The following ADGRG4 variants were observed in gnomAD, a reference collection of about 807,000 sequenced individuals.
ADGRG4 encodes the protein adhesion G protein-coupled receptor G4.
Under a neutral mutation model 126.2 loss-of-function variants are expected in ADGRG4, and 122 were observed. That is an observed-to-expected ratio of 0.97 (90% CI 0.83 to 1.12). The LOEUF (loss-of-function observed/expected upper bound fraction) is 1.12, where lower values mean the gene tolerates loss of function less well. Among genes scored for constraint, ADGRG4 ranks in the 50% most tolerant of loss-of-function variants. The pLI is 0.00. For missense variants in ADGRG4, 2,481 were observed against 2,251.8 expected (o/e 1.10, Z -2.06); for synonymous variants, 943 against 838.7 (o/e 1.12, Z -2.15).
At chrX:136,364,268 C>T (rs1171088362) in intron 13 of ADGRG4, among the ~76,000 whole-genome samples, 3 of 111,217 alleles carry the variant, frequency 2.7e-5, no homozygotes, top group East Asian at 5.6e-4. Context: ...CAGTTACTAT[C>T]CACAGAGATA....
intron 23 of ADGRG4, among the ~76,000 whole-genome samples, 160 bp from the exon 24 acceptor site, chrX:136,412,105 C>T (rs1244177355): frequency 8.9e-6 from 1 of 112,226 alleles, no homozygotes; most frequent in Non-Finnish European, 1.9e-5. Context: ...ACATTTTTGC[C>T]TTTGGGAGGG....
At chrX:136,321,722 C>T (rs1206792840) in intron 4 of ADGRG4, among the ~76,000 whole-genome samples, 1 of 111,967 alleles carries the variant, frequency 8.9e-6, no homozygotes, top group Admixed American at 9.5e-5. Context: ...TCTGCAGCTT[C>T]TTGTGAAACA....
intron 4 of ADGRG4, among the ~76,000 whole-genome samples, chrX:136,310,224 T>C (rs1040359749): frequency 1.8e-5 from 2 of 110,566 alleles, no homozygotes; most frequent in African/African-American, 6.6e-5. Context: ...CTTGGCTCAC[T>C]GCAACTTCTG....
chrX:136,325,711 CTTT>C (rs142748862), intron 5 of ADGRG4, among the ~76,000 whole-genome samples: 2 of 92,005 alleles, frequency 2.2e-5, no homozygotes, highest in Non-Finnish European at 4.3e-5. Context: ...CTTTTGTACA[CTTT>C]TTTTTTTTTT....
intron 23 of ADGRG4, 121 bp from the exon 24 acceptor site, chrX:136,412,144 G>A: frequency 2.0e-6 from 1 of 489,010 alleles, no homozygotes; most frequent in South Asian, 3.3e-5. Context: ...CAGAAAGCCA[G>A]TAATGGCCCT....
Position 136,349,487 on chromosome X carries a change from T to A in ADGRG4, c.5781T>A (p.Thr1927=). ...TGTCAACATTCACAGCCTCTCAGAC[T>A]GGTCTAGTATCTAAAGATGTCATGG... is the stretch of plus-strand genomic sequence containing the variant. The part of the protein sequence containing the change: ...GPLSTFTASQ[T]GLVSKDVMAM... The change falls in exon 6 of 26, where the codon ACT becomes ACA. Residue 1927 remains threonine, a synonymous_variant. Transcript: ENST00000394143. 1 of 1,203,705 alleles carries A rather than the reference T, an allele frequency of 8.3e-7. No homozygotes were observed. Among genetic ancestry groups the A allele is most frequent in the Non-Finnish European group, 1.1e-6 (1 of 888,141 alleles).
chrX:136,323,276 A>C lies in ADGRG4; in HGVS notation c.569A>C (p.His190Pro). ...TTGTACTACTTTCAACTCTGGGACC[A>C]CATCCTGGAAAACGAAGAGTTTATG... ...GSLYYFQLWD[H>P]ILENEEFMKC... The change falls in exon 5 of 26, where the codon CAC becomes CCC. Residue 190 changes from histidine (H) to proline (P), a missense_variant. Physicochemically the swap from His to Pro is moderately conservative, Grantham distance 77 (BLOSUM62 -2). Coordinates refer to ENST00000394143, the MANE Select transcript of ADGRG4 (RefSeq NM_153834.4). 2 of 1,211,314 alleles carry C rather than the reference A, an allele frequency of 1.7e-6. No individual in the cohort carries two copies. The highest frequency in any genetic ancestry group is 3.5e-5 in the South Asian group (2 of 56,943).
At chrX:136,363,076 G>A (rs1167105485) in intron 12 of ADGRG4, among the ~76,000 whole-genome samples, 5 of 111,484 alleles carry the variant, frequency 4.5e-5, no homozygotes, top group Admixed American at 9.5e-5. Flanking sequence ...TATATTAATT[G>A]TCTTAAGTTA....
chrX:136,413,836 G>T (rs2075461506), intron 24 of ADGRG4, among the ~76,000 whole-genome samples: 1 of 109,240 alleles, frequency 9.2e-6, no homozygotes, highest in Non-Finnish European at 1.9e-5. Flanking sequence ...CGCCTCCCGG[G>T]TTCAAGTGAT....
chrX:136,317,230 G>T (rs1413630767), intron 4 of ADGRG4, among the ~76,000 whole-genome samples: 2 of 110,849 alleles, frequency 1.8e-5, no homozygotes, highest in African/African-American at 6.6e-5. Context: ...GCCGGGCGTG[G>T]TGTCTCACAC....
At chrX:136,324,580 T>C in intron 5 of ADGRG4, among the ~76,000 whole-genome samples, 1 of 111,377 alleles carries the variant, frequency 9.0e-6, no homozygotes, top group East Asian at 2.8e-4. Context: ...CCCAACCTTA[T>C]TTATGTGTTT....
chrX:136,398,372 C>T (rs958583382), intron 20 of ADGRG4, among the ~76,000 whole-genome samples: 16 of 112,081 alleles, frequency 1.4e-4, no homozygotes, highest in African/African-American at 4.2e-4. Flanking sequence ...AGATAAAAGA[C>T]TTGTATGCAG....
intron 15 of ADGRG4, among the ~76,000 whole-genome samples, chrX:136,380,718 TTTC>T (rs1379841219): frequency 4.0e-5 from 4 of 100,441 alleles, no homozygotes; most frequent in Non-Finnish European, 6.0e-5. Flanking sequence ...TCTTCTTCTT[TTTC>T]TTCTTCTTTT....
At chrX:136,413,177 T>C (rs774272714) in intron 24 of ADGRG4, among the ~76,000 whole-genome samples, 408 of 108,466 alleles carry the variant, frequency 3.8e-3, no homozygotes, top group Non-Finnish European at 6.6e-3. Context: ...CATGCTGGTG[T>C]GCTGCACCCA....
In ADGRG4 at chrX:136,357,695, T is replaced by G. The variant is rs772869068; in HGVS notation, c.6928-9T>G. On this transcript the variant is annotated splice_polypyrimidine_tract_variant and intron_variant, in intron 9 of 25. Coordinates refer to ENST00000394143, the MANE Select transcript of ADGRG4 (RefSeq NM_153834.4). ...ATTTCAGTGACTATGTACTTTTCTTTTGCATTAGTTGGAACAGAGAGAAGG... is the reference window on the plus strand; with the variant it reads ...ATTTCAGTGACTATGTACTTTTCTTGTGCATTAGTTGGAACAGAGAGAAGG... The G allele has an allele frequency of 4.3e-6, 5 of 1,167,402 alleles. No homozygotes were observed. Among genetic ancestry groups the G allele is most frequent in the Non-Finnish European group, 5.8e-6 (5 of 857,460 alleles).
intron 8 of ADGRG4, among the ~76,000 whole-genome samples, chrX:136,355,602 C>A (rs1026781618): frequency 1.8e-5 from 2 of 111,278 alleles, no homozygotes; most frequent in East Asian, 5.6e-4. Context: ...CCTTCAAGAA[C>A]TCCTGTTAAC....
intron 4 of ADGRG4, among the ~76,000 whole-genome samples, chrX:136,316,495 T>A (rs768218337): frequency 9.9e-5 from 11 of 111,598 alleles, no homozygotes; most frequent in Non-Finnish European, 1.9e-4. Flanking sequence ...GAGACAGAGT[T>A]TTGCTCTTGT....
At chrX:136,339,563 G>T (rs184282626) in intron 5 of ADGRG4, among the ~76,000 whole-genome samples, 2 of 112,217 alleles carry the variant, frequency 1.8e-5, no homozygotes, top group Non-Finnish European at 3.8e-5. Context: ...AGCCTACTTG[G>T]ACTGACTTCT....
Position 136,397,899 on chromosome X carries a change from G to T in ADGRG4, c.8203G>T (p.Val2735Leu), listed in dbSNP as rs931901580. 1 of 1,201,737 alleles carries T rather than the reference G, an allele frequency of 8.3e-7. No individual in the cohort carries two copies. The highest frequency in any genetic ancestry group is 1.1e-6 in the Non-Finnish European group (1 of 887,610). The change falls in exon 20 of 26, where the codon GTG (valine) becomes TTG (leucine). Residue 2735 changes from valine (V) to leucine (L), a missense_variant. Transcript: ENST00000394143. The part of the protein sequence containing the change: ...GVLMDLSRST[V>L]DSVNEQILAL... The stretch of plus-strand genomic sequence containing the variant: ...TCCTTAGGATTTATCCAGGTCTACA[G>T]TGGATTCAGTGAATGAACAGATATT...
Sources: gnomAD v4.1 joint callset for allele counts (sites outside exome capture counted in the v4.1 genomes callset) on GRCh38, gnomAD v4.1.1 for gene constraint, MANE v1.5 for transcripts, NCBI Gene and HGNC (gene_info 2026-07-23, HGNC 2026-07-21) for gene names.